Variants in UBASH3B observed in about 807,000 individuals in gnomAD.
UBASH3B encodes ubiquitin associated and SH3 domain containing B.
Under a neutral mutation model 83.4 loss-of-function variants are expected in UBASH3B, and 37 were observed. The observed-to-expected ratio is 0.44, with a 90% CI of 0.34 to 0.58. The LOEUF (loss-of-function observed/expected upper bound fraction) is 0.58. Ranked by LOEUF, UBASH3B falls within the 20% of genes least tolerant of loss-of-function variation. UBASH3B has a pLI of 0.01. For missense variants in UBASH3B, 657 were observed against 827.2 expected (o/e 0.79, Z 2.52); for synonymous variants, 304 against 318.3 (o/e 0.96, Z 0.48).
intron 1 of UBASH3B, among the ~76,000 whole-genome samples, chr11:122,690,772 T>C (rs1215797790): frequency 1.3e-5 from 2 of 152,206 alleles, no homozygotes; most frequent in Non-Finnish European, 2.9e-5. Context: ...GTTGTGGGAA[T>C]GATGGCTGAG....
At chr11:122,673,359 A>G (rs574044466) in intron 1 of UBASH3B, among the ~76,000 whole-genome samples, 3 of 152,310 alleles carry the variant, frequency 2.0e-5, no homozygotes, top group South Asian at 4.1e-4. Flanking sequence ...TACCATAGAA[A>G]GTTCCAGGGC....
chr11:122,682,614 G>A (rs905105469), intron 1 of UBASH3B, among the ~76,000 whole-genome samples: 1 of 152,114 alleles, frequency 6.6e-6, no homozygotes, highest in African/African-American at 2.4e-5. Context: ...GAGGAAGATG[G>A]TAATTAGGAC....
rs113996623 is a variant in UBASH3B, at chr11:122,671,653, G to A, written c.161+15443G>A. On this transcript the variant is annotated intron_variant, in intron 1 of 13. Transcript: ENST00000284273. ...AGGCCTTGGCAGGGAGGCCACAAGT[G>A]GGCTGTCTTGTTCCGGCCTGTGGCT... Among the ~76,000 whole-genome samples the A allele has an allele frequency of 2.3e-3, 343 of 152,368 alleles. 1 individual carries two copies. Among genetic ancestry groups the A allele is most frequent in the African/African-American group, 7.7e-3 (322 of 41,590 alleles).
chr11:122,716,015 C>T (rs1449490394), intron 1 of UBASH3B, among the ~76,000 whole-genome samples: 1 of 152,254 alleles, frequency 6.6e-6, no homozygotes, highest in African/African-American at 2.4e-5. Context: ...CTTTCTCTTT[C>T]CAGTATTGGA....
At chr11:122,716,916 G>T (rs746038289) in intron 1 of UBASH3B, among the ~76,000 whole-genome samples, 11 of 152,134 alleles carry the variant, frequency 7.2e-5, no homozygotes, top group Non-Finnish European at 2.9e-5. Flanking sequence ...ATTTGGAGAT[G>T]TTAGATGGAA....
intron 1 of UBASH3B, among the ~76,000 whole-genome samples, chr11:122,700,155 G>T (rs1864023868): frequency 6.6e-6 from 1 of 152,192 alleles, no homozygotes; most frequent in South Asian, 2.1e-4. Flanking sequence ...TCCCCCGGGA[G>T]CAGCACCGCT....
At chr11:122,688,534 C>G (rs1380150705) in intron 1 of UBASH3B, among the ~76,000 whole-genome samples, 1 of 151,858 alleles carries the variant, frequency 6.6e-6, no homozygotes, top group Non-Finnish European at 1.5e-5. Flanking sequence ...CAAGCTCCGC[C>G]TCCCAGGTTC....
chr11:122,808,655 A>G (rs2135194626), intron 13 of UBASH3B, among the ~76,000 whole-genome samples: 1 of 152,338 alleles, frequency 6.6e-6, no homozygotes, highest in East Asian at 1.9e-4. Context: ...TGACCCACAC[A>G]TCTGGAGTCT....
intron 10 of UBASH3B, among the ~76,000 whole-genome samples, chr11:122,800,745 C>T (rs1027592984): frequency 9.2e-5 from 14 of 151,878 alleles, no homozygotes; most frequent in Non-Finnish European, 2.1e-4. Context: ...AGTGCTGGGA[C>T]CACAAGTGCA....
chr11:122,707,504 T>C (rs901475572), intron 1 of UBASH3B, among the ~76,000 whole-genome samples: 1 of 152,176 alleles, frequency 6.6e-6, no homozygotes, highest in Admixed American at 6.5e-5. Flanking sequence ...GCCTTCTTTC[T>C]CACTAAGTTG....
intron 6 of UBASH3B, among the ~76,000 whole-genome samples, chr11:122,794,495 C>A (rs566810965): frequency 6.6e-6 from 1 of 152,302 alleles, no homozygotes; most frequent in African/African-American, 2.4e-5. Context: ...CCACACCCGG[C>A]CTACCTCTAA....
chr11:122,779,583 C>T lies in UBASH3B; in HGVS notation c.489C>T (p.Pro163=), dbSNP rs771202075. ...AATGTAAGTTCTCGGCCCCGCTGCC[C>T]CTGGAGCTCTATACGTCGTCCAACT... ...RWKCKFSAPL[P]LELYTSSNFI... Residue 163 remains proline (P), a synonymous_variant, in exon 4 of 14, where the codon CCC becomes CCT. Transcript: ENST00000284273. 2.4e-5 allele frequency: 39 copies of T among 1,614,028 alleles called. No individual in the cohort carries two copies. Among genetic ancestry groups the T allele is most frequent in the Non-Finnish European group, 3.2e-5 (38 of 1,180,040 alleles).
rs185100831 is a variant in UBASH3B, at chr11:122,659,630, G to C, written c.161+3420G>C. 1.1e-3 allele frequency among the ~76,000 whole-genome samples: 167 copies of C among 152,354 alleles called. 1 individual carries two copies. The highest frequency in any genetic ancestry group is 3.6e-3 in the African/African-American group (151 of 41,582). On this transcript the variant is annotated intron_variant, in intron 1 of 13. Coordinates refer to ENST00000284273, the MANE Select transcript of UBASH3B (RefSeq NM_032873.5). Reference sequence around the variant, plus strand: ...TTAGCTCATCAGAAGCTTCTCTCTTGAGCTTTATGCCTGGAGGGCTGAGCA... The same window carrying C: ...TTAGCTCATCAGAAGCTTCTCTCTTCAGCTTTATGCCTGGAGGGCTGAGCA...
intron 1 of UBASH3B, among the ~76,000 whole-genome samples, chr11:122,667,165 T>G (rs554949192): frequency 6.6e-6 from 1 of 151,398 alleles, no homozygotes; most frequent in Non-Finnish European, 1.5e-5. Context: ...TGCCTCAGCT[T>G]CCTAAGTAGC....
chr11:122,773,436 G>A (rs1860681576), intron 1 of UBASH3B, among the ~76,000 whole-genome samples: 1 of 152,156 alleles, frequency 6.6e-6, no homozygotes, highest in African/African-American at 2.4e-5. Context: ...CCTCCTGCCT[G>A]GAGAATTGCA....
intron 1 of UBASH3B, among the ~76,000 whole-genome samples, chr11:122,761,742 G>A (rs1234299236): frequency 7.1e-6 from 1 of 140,330 alleles, no homozygotes; most frequent in Non-Finnish European, 1.5e-5. Flanking sequence ...TCTGCAACCT[G>A]AAATCACTCT....
intron 1 of UBASH3B, among the ~76,000 whole-genome samples, chr11:122,664,017 G>C (rs774166892): frequency 2.0e-5 from 3 of 152,160 alleles, no homozygotes; most frequent in Non-Finnish European, 4.4e-5. Flanking sequence ...ACTCCACATG[G>C]CTCCCTCTGT....
At chr11:122,788,733 G>GGT (rs2135160430) in intron 5 of UBASH3B, among the ~76,000 whole-genome samples, 1 of 152,240 alleles carries the variant, frequency 6.6e-6, no homozygotes, top group South Asian at 2.1e-4. Context: ...TGTCTATCAT[G>GGT]GTGACTATCA....
intron 11 of UBASH3B, among the ~76,000 whole-genome samples, chr11:122,802,462 C>A (rs1211382547): frequency 6.6e-6 from 1 of 152,026 alleles, no homozygotes; most frequent in Non-Finnish European, 1.5e-5. Context: ...TTTCTTAAGG[C>A]AGAGTTTGTA....
Sources: gnomAD v4.1 joint callset for allele counts (sites outside exome capture counted in the v4.1 genomes callset) on GRCh38, gnomAD v4.1.1 for gene constraint, MANE v1.5 for transcripts, NCBI Gene and HGNC (gene_info 2026-07-23, HGNC 2026-07-21) for gene names.